The following MYLK4 variants were observed in gnomAD, a reference collection of about 807,000 sequenced individuals.
MYLK4 encodes the protein myosin light chain kinase family member 4.
MYLK4 carries 46 observed loss-of-function variants against 48.1 expected under a neutral mutation model. That is an observed-to-expected ratio of 0.96 (90% CI 0.75 to 1.22). The LOEUF is 1.22. Ranked by LOEUF, MYLK4 falls within the 50% of genes most tolerant of loss-of-function variation. The probability of loss-of-function intolerance (pLI) is 0.00; values close to 1 mark genes in which losing one functional copy is unlikely to be tolerated. For missense variants in MYLK4, 451 were observed against 486.1 expected, an observed-to-expected ratio of 0.93 and a Z score of 0.68; for synonymous variants, 170 against 180.8, an observed-to-expected ratio of 0.94 and a Z score of 0.48.
chr6:2,768,927 CAATAT>C, the MYLK4 span: 1 of 1,550,096 alleles, frequency 6.5e-7, no homozygotes, highest in South Asian at 1.2e-5. Context: ...GAACATCAAA[CAATAT>C]AAAGTGTGTG....
chr6:2,694,819 A>C (rs1461094761), intron 2 of MYLK4, among the ~76,000 whole-genome samples: 1 of 152,096 alleles, frequency 6.6e-6, no homozygotes, highest in East Asian at 1.9e-4. Flanking sequence ...AAGGTTATAA[A>C]GTTTAGAAAT....
At chr6:2,762,502 A>C in the MYLK4 span, among the ~76,000 whole-genome samples, 1 of 152,154 alleles carries the variant, frequency 6.6e-6, no homozygotes, top group Non-Finnish European at 1.5e-5. Context: ...TCATGTGGCC[A>C]CGTTATCTCT....
intron 11 of MYLK4, 84 bp from the exon 12 acceptor site, chr6:2,671,432 A>C: frequency 7.8e-7 from 1 of 1,286,574 alleles, no homozygotes; most frequent in Non-Finnish European, 1.1e-6. Context: ...AAAGACAATC[A>C]CTTGCTACTG....
At chr6:2,740,455 C>T (rs1763860665) in intron 2 of MYLK4, among the ~76,000 whole-genome samples, 1 of 152,196 alleles carries the variant, frequency 6.6e-6, no homozygotes, top group Admixed American at 6.5e-5. Context: ...CCACAAGACC[C>T]CCGATGGTGG....
chr6:2,698,781 C>T (rs1762165573), intron 2 of MYLK4, among the ~76,000 whole-genome samples: 1 of 152,110 alleles, frequency 6.6e-6, no homozygotes, highest in African/African-American at 2.4e-5. Context: ...AATCTATTTC[C>T]CTTCAACCTC....
chr6:2,704,116 C>G (rs1413334415), intron 2 of MYLK4, among the ~76,000 whole-genome samples: 1 of 152,214 alleles, frequency 6.6e-6, no homozygotes, highest in Non-Finnish European at 1.5e-5. Context: ...GAATCTAACT[C>G]AGTGTCAGCT....
At chr6:2,699,284 TTTC>T (rs1424672408) in intron 2 of MYLK4, among the ~76,000 whole-genome samples, 3 of 95,202 alleles carry the variant, frequency 3.2e-5, no homozygotes, top group South Asian at 4.3e-4. Context: ...TTTCTTTTCT[TTTC>T]TTTTTTTTTT....
In MYLK4 at chr6:2,666,534, A is replaced by C. The variant is rs1228512278; in HGVS notation, c.*1391T>G. On this transcript the variant is annotated 3_prime_UTR_variant, in exon 13 of 13. Coordinates refer to ENST00000274643, the MANE Select transcript of MYLK4 (RefSeq NM_001012418.5). ...GAGCGAGACTCCGTCTAAAAAAAAA[A>C]AACAAAGAATAAAGGCATTAACACA... 6.6e-6 allele frequency: 1 copy of C among 152,226 alleles called. No homozygotes were observed. Among genetic ancestry groups the C allele is most frequent in the East Asian group, 1.9e-4 (1 of 5,204 alleles). The allele number at this position is 152,226 out of a possible 1,614,324, so 9.4% of individuals were successfully genotyped here.
the MYLK4 span, among the ~76,000 whole-genome samples, chr6:2,768,507 T>C: frequency 6.6e-6 from 1 of 152,218 alleles, no homozygotes; most frequent in Non-Finnish European, 1.5e-5. Flanking sequence ...TTATTTATAA[T>C]ATTTTTGTTG....
rs954154353 is a variant in MYLK4, at chr6:2,731,799, T to C, written c.159+17337A>G. ...GCTATTTTCTGTGAGTCCAGTTTTA[T>C]ATGCGTAGGTTATCTTTTATTATAA... On this transcript the variant is annotated intron_variant, in intron 2 of 12. Transcript: ENST00000274643. Among the ~76,000 whole-genome samples the C allele has an allele frequency of 2.0e-5, 3 of 152,378 alleles. No individual in the cohort carries two copies. The South Asian group carries it at 6.2e-4, about 32-fold the overall frequency.
chr6:2,752,276 C>T (rs1764311163), upstream of MYLK4, among the ~76,000 whole-genome samples: 1 of 152,134 alleles, frequency 6.6e-6, no homozygotes, highest in Non-Finnish European at 1.5e-5. Flanking sequence ...TTCCCCTTGC[C>T]CTGCACCCCG....
chr6:2,733,083 TA>T (rs892781645), intron 2 of MYLK4, among the ~76,000 whole-genome samples: 1 of 152,234 alleles, frequency 6.6e-6, no homozygotes, highest in Non-Finnish European at 1.5e-5. Flanking sequence ...AGCTCTTCTT[TA>T]AACTGTCAAA....
chr6:2,749,092 AT>A (rs1163973024), intron 2 of MYLK4, 43 bp downstream of exon 2: 2 of 1,567,796 alleles, frequency 1.3e-6, no homozygotes, highest in African/African-American at 2.7e-5. Flanking sequence ...AAAAGATAAG[AT>A]AGAATGAATA....
the MYLK4 span, chr6:2,770,079 T>C: frequency 6.2e-7 from 1 of 1,611,476 alleles, no homozygotes; most frequent in Non-Finnish European, 8.5e-7. Flanking sequence ...CAGGTGGCTG[T>C]TGACTGGAAT....
intron 11 of MYLK4, among the ~76,000 whole-genome samples, 179 bp from the exon 12 acceptor site, chr6:2,671,527 C>A (rs1299864478): frequency 1.3e-5 from 2 of 152,182 alleles, no homozygotes. Flanking sequence ...CCTCAGAGTC[C>A]ATCTCAGAGT....
chr6:2,769,983 G>T, the MYLK4 span: 2 of 1,261,562 alleles, frequency 1.6e-6, no homozygotes, highest in East Asian at 2.3e-5. Context: ...TATATTCAGT[G>T]AATATAAGGC....
intron 2 of MYLK4, among the ~76,000 whole-genome samples, chr6:2,718,925 G>C (rs1250461018): frequency 6.6e-6 from 1 of 152,210 alleles, no homozygotes; most frequent in African/African-American, 2.4e-5. Context: ...AACGCCTTTA[G>C]ATATGGCTAG....
At position 2,664,329 on chromosome 6, in the gene MYLK4, G is replaced by C. The variant is rs1365412498; in HGVS notation, c.*3596C>G. On this transcript the variant is annotated 3_prime_UTR_variant, in exon 13 of 13. Coordinates refer to ENST00000274643, the MANE Select transcript of MYLK4 (RefSeq NM_001012418.5). ...GCCGTGGTGATGCTGCAGCACACAGGGATGACAGGACGGCCAGGGGACAGG... is the reference window on the plus strand; with the variant it reads ...GCCGTGGTGATGCTGCAGCACACAGCGATGACAGGACGGCCAGGGGACAGG... The C allele has an allele frequency of 6.6e-6, 1 of 152,270 alleles. No homozygotes were observed. Among genetic ancestry groups the C allele is most frequent in the Non-Finnish European group, 1.5e-5 (1 of 68,052 alleles). The allele number at this position is 152,270 out of a possible 1,614,324, so 9.4% of individuals were successfully genotyped here.
chr6:2,671,348 T>G lies in MYLK4; in HGVS notation c.1120A>C (p.Lys374Gln). ...HKLHSRLNAQ[K>Q]KKNRGSDAQD... ...GCATCAGAGCCACGATTCTTCTTCT[T>G]CTAGGGAAAGCAGAAGGCATATGGG... is the stretch of plus-strand genomic sequence containing the variant. The change falls in exon 12 of 13, where the codon AAG becomes CAG. Residue 374 changes from lysine to glutamine, a missense_variant and splice_region_variant. Transcript: ENST00000274643. 6.2e-7 allele frequency: 1 copy of G among 1,613,880 alleles called. No individual in the cohort carries two copies. Among genetic ancestry groups the G allele is most frequent in the Non-Finnish European group, 8.5e-7 (1 of 1,179,868 alleles).
Sources: gnomAD v4.1 joint callset for allele counts (sites outside exome capture counted in the v4.1 genomes callset) on GRCh38, gnomAD v4.1.1 for gene constraint, MANE v1.5 for transcripts, NCBI Gene and HGNC (gene_info 2026-07-23, HGNC 2026-07-21) for gene names.